The following GRIN2A variants were observed in gnomAD, a reference collection of about 807,000 sequenced individuals.
The protein encoded by GRIN2A is glutamate receptor ionotropic, NMDA 2A.
GRIN2A carries 22 observed loss-of-function variants against 113.4 expected under a neutral mutation model. That is an observed-to-expected ratio of 0.19 (90% CI 0.14 to 0.28). The LOEUF is 0.28. Ranked by LOEUF, GRIN2A falls within the 10% of genes least tolerant of loss-of-function variation. The pLI, the probability that GRIN2A is intolerant of heterozygous loss-of-function variation, is 1.00. For synonymous variants in GRIN2A, 827 were observed against 738.4 expected, an observed-to-expected ratio of 1.12 and a Z score of -1.94; for missense variants, 1,502 against 1,887.0, an observed-to-expected ratio of 0.80 and a Z score of 3.78.
chr16:9,880,610 G>T (rs921673419), intron 4 of GRIN2A, among the ~76,000 whole-genome samples: 2 of 152,108 alleles, frequency 1.3e-5, no homozygotes, highest in Non-Finnish European at 2.9e-5. Context: ...CTTAGAAAAG[G>T]CCAAGTGTCA....
rs759441215 is a variant in GRIN2A at position 9,938,328 on chromosome 16, G to A, written c.638C>T (p.Ala213Val). 6.2e-7 allele frequency: 1 copy of A among 1,613,866 alleles called. No individual in the cohort carries two copies. Among genetic ancestry groups the A allele is most frequent in the South Asian group, 1.1e-5 (1 of 91,068 alleles). Residue 213 changes from alanine (A) to valine (V), a missense_variant, in exon 3 of 13, where the codon GCA (alanine) becomes GTA (valine). By Grantham distance (64) the Ala-to-Val change is moderately conservative. Transcript: ENST00000330684. The stretch of plus-strand genomic sequence containing the variant: ...CTTCTTCAGCTGGACTTGTGTCTTT[G>A]CATCCTCAAAGGAAGTGTCCAGTGT... The part of the protein sequence containing the change: ...VITLDTSFED[A>V]KTQVQLKKIH...
chr16:9,768,415 G>A (rs766198444), intron 12 of GRIN2A, among the ~76,000 whole-genome samples: 2 of 152,188 alleles, frequency 1.3e-5, no homozygotes, highest in African/African-American at 4.8e-5. Context: ...AACAAAATCA[G>A]ATGACATTTT....
At chr16:10,060,217 G>A (rs146241477) in intron 2 of GRIN2A, among the ~76,000 whole-genome samples, 2 of 152,254 alleles carry the variant, frequency 1.3e-5, no homozygotes, top group South Asian at 2.1e-4. Context: ...TCAGGCTACC[G>A]GAGCAGACCC....
rs1426901265 is a variant in GRIN2A, at chr16:10,127,305, A to C, written c.414+52693T>G. 5.3e-5 allele frequency among the ~76,000 whole-genome samples: 8 copies of C among 152,026 alleles called. No individual in the cohort carries two copies. In the East Asian group the frequency reaches 1.5e-3, roughly 29 times the overall value. ...TTTATTGGCTGTATGTTCAAGATGA[A>C]TCACCTGTGAGCTGTGGCATCCATG... On this transcript the variant is annotated intron_variant, in intron 2 of 12. Transcript: ENST00000330684.
intron 5 of GRIN2A, 45 bp from the exon 6 acceptor site, chr16:9,841,149 GT>G (rs2141346565): frequency 6.7e-7 from 1 of 1,499,326 alleles, no homozygotes; most frequent in Non-Finnish European, 9.3e-7. Flanking sequence ...GCACTGGAAG[GT>G]TTGTTCACAA....
At chr16:10,064,538 A>G (rs183500335) in intron 2 of GRIN2A, among the ~76,000 whole-genome samples, 47 of 152,338 alleles carry the variant, frequency 3.1e-4, no homozygotes, top group African/African-American at 1.1e-3. Context: ...ATGCCTCTAC[A>G]TTGATGTTTC....
At chr16:10,140,558 CTCTT>C (rs796405396) in intron 2 of GRIN2A, among the ~76,000 whole-genome samples, 3 of 152,340 alleles carry the variant, frequency 2.0e-5, no homozygotes, top group African/African-American at 7.2e-5. Flanking sequence ...CCAGAAAACA[CTCTT>C]TCTTCTGGCA....
chr16:9,934,207 A>C (rs2044659981), intron 3 of GRIN2A, among the ~76,000 whole-genome samples: 3 of 152,172 alleles, frequency 2.0e-5, no homozygotes, highest in Non-Finnish European at 4.4e-5. Context: ...TTTCTGTACT[A>C]TTCTTTTTTC....
At chr16:9,943,910 G>C (rs1328921933) in intron 2 of GRIN2A, among the ~76,000 whole-genome samples, 1 of 152,178 alleles carries the variant, frequency 6.6e-6, no homozygotes, top group East Asian at 1.9e-4. Context: ...TTTTTCCTCT[G>C]TCTCTTCTCA....
intron 11 of GRIN2A, among the ~76,000 whole-genome samples, chr16:9,779,172 C>T (rs1459297132): frequency 6.6e-6 from 1 of 152,198 alleles, no homozygotes; most frequent in South Asian, 2.1e-4. Flanking sequence ...AAGCATGGAG[C>T]CTGGTCTCCC....
intron 11 of GRIN2A, among the ~76,000 whole-genome samples, chr16:9,778,549 C>T (rs1313978546): frequency 6.6e-6 from 1 of 152,182 alleles, no homozygotes; most frequent in Non-Finnish European, 1.5e-5. Flanking sequence ...AAAAGGATAG[C>T]AATAACTTCA....
chr16:10,024,506 A>C (rs2650426), intron 2 of GRIN2A, among the ~76,000 whole-genome samples: 120,070 of 152,250 alleles, frequency 0.79, 48,065 homozygotes, highest in Non-Finnish European at 0.85. Flanking sequence ...GCGTGAGCCA[A>C]CGTGCCCAGC....
chr16:10,002,714 G>A (rs543556713), intron 2 of GRIN2A, among the ~76,000 whole-genome samples: 1 of 152,324 alleles, frequency 6.6e-6, no homozygotes, highest in Admixed American at 6.5e-5. Context: ...TGTGGCCATA[G>A]AAGAATACAA....
chr16:10,079,290 G>C (rs982197535), intron 2 of GRIN2A, among the ~76,000 whole-genome samples: 1 of 152,204 alleles, frequency 6.6e-6, no homozygotes, highest in African/African-American at 2.4e-5. Flanking sequence ...GCAAGCTAGA[G>C]AATAATAGGA....
At chr16:10,075,318 T>C (rs186225525) in intron 2 of GRIN2A, among the ~76,000 whole-genome samples, 1 of 152,266 alleles carries the variant, frequency 6.6e-6, no homozygotes, top group Non-Finnish European at 1.5e-5. Flanking sequence ...AGAAATGACG[T>C]GACTTGTCTA....
intron 2 of GRIN2A, among the ~76,000 whole-genome samples, chr16:9,967,398 T>A (rs2045576903): frequency 6.6e-6 from 1 of 152,114 alleles, no homozygotes; most frequent in African/African-American, 2.4e-5. Flanking sequence ...GCTATGACGA[T>A]GCAAAGGTAT....
intron 2 of GRIN2A, among the ~76,000 whole-genome samples, chr16:10,028,138 C>T (rs900184402): frequency 1.3e-5 from 2 of 152,182 alleles, no homozygotes; most frequent in Admixed American, 6.5e-5. Context: ...CTGTGTTGAG[C>T]AGTAAATAAT....
chr16:10,086,426 C>A (rs975454245), intron 2 of GRIN2A, among the ~76,000 whole-genome samples: 9 of 152,030 alleles, frequency 5.9e-5, no homozygotes, highest in African/African-American at 2.2e-4. Flanking sequence ...ATTCTGCCTA[C>A]CCAGGAGGAC....
chr16:10,026,085 T>C (rs905038455), intron 2 of GRIN2A, among the ~76,000 whole-genome samples: 20 of 152,058 alleles, frequency 1.3e-4, no homozygotes, highest in Middle Eastern at 3.2e-3. Context: ...GTATGCTCAC[T>C]ACAGAAAAAA....
Sources: allele counts gnomAD v4.1 joint callset (sites outside exome capture counted in the v4.1 genomes callset), GRCh38; gene constraint gnomAD v4.1.1; transcripts MANE v1.5; gene names NCBI Gene and HGNC (gene_info 2026-07-23, HGNC 2026-07-21).